The following UPF2 variants were observed in gnomAD, a reference collection of about 807,000 sequenced individuals.
The protein encoded by UPF2 is regulator of nonsense transcripts 2.
UPF2 carries 17 observed loss-of-function variants against 141.4 expected under a neutral mutation model. The ratio of observed to expected loss-of-function variants is 0.12; its 90% CI spans 0.08 to 0.18. The LOEUF (loss-of-function observed/expected upper bound fraction) is 0.18, where lower values mean the gene tolerates loss of function less well. Ranked by LOEUF, UPF2 falls within the 10% of genes least tolerant of loss-of-function variation. The probability of loss-of-function intolerance (pLI) is 1.00; values close to 1 mark genes in which losing one functional copy is unlikely to be tolerated. For synonymous variants in UPF2, 540 were observed against 498.0 expected, an observed-to-expected ratio of 1.08 and a Z score of -1.12; for missense variants, 1,152 against 1,515.9, an observed-to-expected ratio of 0.76 and a Z score of 3.99.
intron 9 of UPF2, among the ~76,000 whole-genome samples, chr10:11,971,332 G>A (rs1015339460): frequency 1.3e-5 from 2 of 149,966 alleles, no homozygotes; most frequent in Non-Finnish European, 2.9e-5. Flanking sequence ...TCGGCTCACC[G>A]CAACCTCCGC....
At chr10:11,928,855 A>G (rs1303985802) in intron 21 of UPF2, 1 of 184,770 alleles carries the variant, frequency 5.4e-6, no homozygotes, top group East Asian at 1.8e-4. Flanking sequence ...AAATTTTATA[A>G]TTTAAAAAAA....
At chr10:11,938,740 G>A (rs530629543) in intron 18 of UPF2, among the ~76,000 whole-genome samples, 4 of 148,970 alleles carry the variant, frequency 2.7e-5, no homozygotes, top group Non-Finnish European at 3.0e-5. Context: ...TTCCTGGCCT[G>A]TCATTTCTTC....
intron 19 of UPF2, among the ~76,000 whole-genome samples, chr10:11,934,500 A>G (rs1014111478): frequency 6.6e-6 from 1 of 152,250 alleles, no homozygotes; most frequent in Non-Finnish European, 1.5e-5. Flanking sequence ...AGGAAGATTC[A>G]GCAATGCTCT....
chr10:11,938,853 G>GTTTTTTGTTTTTTTT (rs1832889993), intron 18 of UPF2, among the ~76,000 whole-genome samples: 2 of 79,816 alleles, frequency 2.5e-5, no homozygotes, highest in South Asian at 7.8e-4. Context: ...TTTTTTTTTT[G>GTTTTTTGTTTTTTTT]TTTTTTTTTT....
In UPF2 at chr10:11,921,547, C is replaced by T. The variant is rs1242486463; in HGVS notation, c.3810-240G>A. ...ATATCAACTATCTCCATAGCATCTA[C>T]ACTTTATTAGGTATTACAAGTAATG... On this transcript the variant is annotated intron_variant, in intron 21 of 21. Transcript: ENST00000357604. This position sits in a 1 kb window ranked among gnomAD's most constrained non-coding sequence, Gnocchi z 5.9. 6.6e-6 allele frequency among the ~76,000 whole-genome samples: 1 copy of T among 152,206 alleles called. No homozygotes were observed. Among genetic ancestry groups the T allele is most frequent in the African/African-American group, 2.4e-5 (1 of 41,448 alleles).
At chr10:12,024,625 T>A (rs976003860) in intron 3 of UPF2, among the ~76,000 whole-genome samples, 9 of 150,084 alleles carry the variant, frequency 6.0e-5, no homozygotes, top group African/African-American at 2.2e-4. Flanking sequence ...ATTAATTAAT[T>A]TATTTATTAA....
chr10:11,980,780 AT>A lies in UPF2; in HGVS notation c.1845-1616del, dbSNP rs1476198928. 6.6e-6 allele frequency among the ~76,000 whole-genome samples: 1 copy of A among 152,192 alleles called. No individual in the cohort carries two copies. Among genetic ancestry groups the A allele is most frequent in the African/African-American group, 2.4e-5 (1 of 41,450 alleles). On this transcript the variant is annotated intron_variant, in intron 8 of 21. Transcript: ENST00000357604. The surrounding 1 kb of genome is among the most constrained non-coding windows in gnomAD (Gnocchi z 4.2). Reference sequence around the variant, plus strand: ...ACATCACTGTACCATACAATAATATATGAAAATGTTTGATGGTCAGGGAAAA... The same window carrying A: ...ACATCACTGTACCATACAATAATATAGAAAATGTTTGATGGTCAGGGAAAA...
chr10:12,030,449 G>A (rs1467394402), intron 2 of UPF2, among the ~76,000 whole-genome samples: 1 of 151,884 alleles, frequency 6.6e-6, no homozygotes, highest in African/African-American at 2.4e-5. Flanking sequence ...CAGGAGAATT[G>A]CTTAAACCTG....
intron 8 of UPF2, among the ~76,000 whole-genome samples, chr10:11,986,187 A>G (rs1429960439): frequency 6.6e-6 from 1 of 152,090 alleles, no homozygotes; most frequent in African/African-American, 2.4e-5. Context: ...CCCGGCCTAG[A>G]TCCTTCCTTT....
At chr10:12,040,641 C>T (rs1178329503) in intron 1 of UPF2, among the ~76,000 whole-genome samples, 1 of 152,066 alleles carries the variant, frequency 6.6e-6, no homozygotes, top group Non-Finnish European at 1.5e-5. Flanking sequence ...GAAGAGGCAG[C>T]AATGCAACTT....
At chr10:11,989,165 C>T (rs1005321358) in intron 8 of UPF2, among the ~76,000 whole-genome samples, 1 of 152,164 alleles carries the variant, frequency 6.6e-6, no homozygotes, top group African/African-American at 2.4e-5. Flanking sequence ...TAAACAGAGG[C>T]ATTGGCTTTC....
intron 18 of UPF2, among the ~76,000 whole-genome samples, chr10:11,938,864 T>TTTTTTTTTG (rs1832894620): frequency 2.5e-5 from 2 of 81,052 alleles, no homozygotes; most frequent in Admixed American, 3.5e-4. Flanking sequence ...TTTTTTTTTT[T>TTTTTTTTTG]TTTTTTTTTT....
At chr10:11,938,846 T>TG (rs1832888697) in intron 18 of UPF2, among the ~76,000 whole-genome samples, 2 of 118,834 alleles carry the variant, frequency 1.7e-5, no homozygotes, top group African/African-American at 7.5e-5. Context: ...AAGCAAGTTT[T>TG]TTTTTTGTTT....
At chr10:12,013,943 A>G (rs1317139759) in intron 4 of UPF2, 81 bp downstream of exon 4, 7 of 1,321,914 alleles carry the variant, frequency 5.3e-6, no homozygotes, top group Non-Finnish European at 6.9e-6. Context: ...TAAATTCTCA[A>G]TACTGCACAT....
intron 19 of UPF2, among the ~76,000 whole-genome samples, chr10:11,934,717 G>A (rs1333404678): frequency 6.6e-6 from 1 of 152,194 alleles, no homozygotes; most frequent in Admixed American, 6.5e-5. Context: ...AGCCTCCTGA[G>A]TAGCTGGGAT....
At chr10:11,987,248 A>C (rs2131242825) in intron 8 of UPF2, among the ~76,000 whole-genome samples, 1 of 152,366 alleles carries the variant, frequency 6.6e-6, no homozygotes, top group Admixed American at 6.5e-5. Flanking sequence ...TGATCTGCGC[A>C]GCAAACCACC....
intron 3 of UPF2, among the ~76,000 whole-genome samples, chr10:12,027,621 T>G (rs1397823895): frequency 6.6e-6 from 1 of 152,228 alleles, no homozygotes; most frequent in African/African-American, 2.4e-5. Flanking sequence ...AAAACAAGGA[T>G]AAGCCTTTTC....
Position 12,035,314 on chromosome 10 carries a change from G to A in UPF2, c.110C>T (p.Pro37Leu). ...GGCAGTGAGCTTGATATCGTCTTTTGGCCTCTCCTTGCTGCTCACTGTCCG... is the reference window on the plus strand; with the variant it reads ...GGCAGTGAGCTTGATATCGTCTTTTAGCCTCTCCTTGCTGCTCACTGTCCG... ...ERRTVSSKERPKDDIKLTAKK... is the reference protein window; with the variant it reads ...ERRTVSSKERLKDDIKLTAKK... Residue 37 changes from proline (P) to leucine (L), a missense_variant, in exon 2 of 22, where the codon CCA (proline) becomes CTA (leucine). Physicochemically the swap from Pro to Leu is moderately conservative, Grantham distance 98 (BLOSUM62 -3). Around this residue, in one of 4 missense-constraint regions of UPF2, gnomAD observed 145 missense variants for 136.5 expected, o/e 1.06. Coordinates refer to ENST00000357604, the MANE Select transcript of UPF2 (RefSeq NM_015542.4). 1.2e-6 allele frequency: 2 copies of A among 1,613,686 alleles called. No homozygotes were observed. Among genetic ancestry groups the A allele is most frequent in the South Asian group, 2.2e-5 (2 of 91,038 alleles).
In UPF2 at chr10:11,939,214, G is replaced by GC. The variant is rs1832905726; in HGVS notation, c.3379-2503dup. Among the ~76,000 whole-genome samples, 1 of 152,020 alleles carries GC rather than the reference G, an allele frequency of 6.6e-6. No homozygotes were observed. Among genetic ancestry groups the GC allele is most frequent in the African/African-American group, 2.4e-5 (1 of 41,394 alleles). Reference sequence around the variant, plus strand: ...CCAAGCCTCTGTTTCTTTAGCTAAAGCAAAGGAATACTAACAGTATCTGAC... The same window carrying GC: ...CCAAGCCTCTGTTTCTTTAGCTAAAGCCAAAGGAATACTAACAGTATCTGAC... On this transcript the variant is annotated intron_variant, in intron 18 of 21. Transcript: ENST00000357604. The surrounding 1 kb of genome is among the most constrained non-coding windows in gnomAD (Gnocchi z 4.8).
Sources: allele counts gnomAD v4.1 joint callset (sites outside exome capture counted in the v4.1 genomes callset), GRCh38; gene constraint gnomAD v4.1.1; regional missense constraint gnomAD v4.1.1; non-coding constraint Gnocchi (gnomAD v3.1); transcripts MANE v1.5; gene names NCBI Gene and HGNC (gene_info 2026-07-23, HGNC 2026-07-21).